Variants in DNAJB8 observed in about 807,000 individuals in gnomAD.
The protein encoded by DNAJB8 is DnaJ heat shock protein family (Hsp40) member B8.
For synonymous variants in DNAJB8, 127 were observed against 127.1 expected (o/e 1.00, Z 0.00); for missense variants, 354 against 318.9 (o/e 1.11, Z -0.84).
In DNAJB8 at chr3:128,462,885, T is replaced by C; in HGVS notation, c.361A>G (p.Ser121Gly). 1 of 1,614,132 alleles carries C rather than the reference T, an allele frequency of 6.2e-7. No homozygotes were observed. Reference sequence around the variant, plus strand: ...CCATGGCCCCGGCCACCACGGTCACTATTGAATGGGCTGTCCCAGAACTCA... The same window carrying C: ...CCATGGCCCCGGCCACCACGGTCACCATTGAATGGGCTGTCCCAGAACTCA... ...SFEFWDSPFN[S>G]DRGGRGHGLR... is the part of the protein sequence containing the mutation. Residue 121 changes from serine to glycine, a missense_variant, in exon 3 of 3, where the codon AGT becomes GGT. Transcript: ENST00000319153.
chr3:128,462,609 C>G lies in DNAJB8; in HGVS notation c.637G>C (p.Gly213Arg). ...TTCACAGTCACCGACTTGAGCTGCC[C>G]GTCTTCCTCCACCTCCACGCGCTCC... Reference protein sequence around the residue: ...GQERVEVEEDGQLKSVTVNGK... With the variant: ...GQERVEVEEDRQLKSVTVNGK... The change falls in exon 3 of 3, where the codon GGG becomes CGG. Residue 213 changes from glycine (G) to arginine (R), a missense_variant. Physicochemically the swap from Gly to Arg is moderately radical, Grantham distance 125 (BLOSUM62 -2). Transcript: ENST00000319153. 1.2e-6 allele frequency: 2 copies of G among 1,613,808 alleles called. No individual in the cohort carries two copies. Among genetic ancestry groups the G allele is most frequent in the Non-Finnish European group, 1.7e-6 (2 of 1,179,830 alleles).
At position 128,462,940 on chromosome 3, in the gene DNAJB8, C is replaced by T. The variant is rs755099183; in HGVS notation, c.306G>A (p.Glu102=). The T allele has an allele frequency of 4.3e-6, 7 of 1,614,016 alleles. No homozygotes were observed. Among genetic ancestry groups the T allele is most frequent in the Non-Finnish European group, 5.1e-6 (6 of 1,179,986 alleles). The part of the protein sequence containing the change: ...TFRNPEDIFR[E]FFGGLDPFSF... ...AGAAAGGGTCCAGGCCACCAAAAAA[C>T]TCCCGGAAGATGTCCTCAGGGTTAC... The change falls in exon 3 of 3, where the codon GAG becomes GAA. Residue 102 remains glutamate, a synonymous_variant. Transcript: ENST00000319153.
Position 128,463,158 on chromosome 3 carries a change from A to G in DNAJB8, c.88T>C (p.Trp30Arg). ...TTGTCAGGGTTCTTGTCGGGGTGCC[A>G]ACGAAGGGCCAGCTTGCGGTAGGCT... Reference protein sequence around the residue: ...KKAYRKLALRWHPDKNPDNKE... With the variant: ...KKAYRKLALRRHPDKNPDNKE... Residue 30 changes from tryptophan to arginine, a missense_variant, in exon 3 of 3, where the codon TGG (tryptophan) becomes CGG (arginine). Transcript: ENST00000319153. The G allele has an allele frequency of 6.2e-7, 1 of 1,614,178 alleles. No individual in the cohort carries two copies. Among genetic ancestry groups the G allele is most frequent in the East Asian group, 2.2e-5 (1 of 44,862 alleles).
Position 128,463,186 on chromosome 3 carries a change from C to G in DNAJB8, c.60G>C (p.Lys20Asn), listed in dbSNP as rs1009144687. 6.2e-7 allele frequency: 1 copy of G among 1,614,168 alleles called. No individual in the cohort carries two copies. The highest frequency in any genetic ancestry group is 2.2e-5 in the East Asian group (1 of 44,868). Residue 20 changes from lysine (K) to asparagine (N), a missense_variant, in exon 3 of 3, where the codon AAG becomes AAC. Lys to Asn is a moderately conservative substitution (Grantham distance 94). Transcript: ENST00000319153. ...GAAGGGCCAGCTTGCGGTAGGCTTT[C>G]TTGATGTCCTCCGGGGAAGCGCTGG... ...VQASASPEDI[K>N]KAYRKLALRW... is the part of the protein sequence containing the mutation.
rs765912735 is a variant in DNAJB8 at position 128,462,707 on chromosome 3, T to C, written c.539A>G (p.Lys180Arg). 2 of 1,602,188 alleles carry C rather than the reference T, an allele frequency of 1.2e-6. No individual in the cohort carries two copies. Among genetic ancestry groups the C allele is most frequent in the South Asian group, 2.2e-5 (2 of 90,570 alleles). The change falls in exon 3 of 3, where the codon AAG (lysine) becomes AGG (arginine). Residue 180 changes from lysine to arginine, a missense_variant. By Grantham distance (26) the Lys-to-Arg change is conservative. Transcript: ENST00000319153. Reference protein sequence around the residue: ...GGSSSGSSGFKSVMSSTEMIN... With the variant: ...GGSSSGSSGFRSVMSSTEMIN... ...CATCTCGGTGGACGACATCACCGAC[T>C]TGAACCCCGAGCTGCCAGAACTGGA...
chr3:128,464,219 A>T (rs1280578664), intron 2 of DNAJB8, 109 bp from the exon 3 acceptor site: 1 of 152,218 alleles, frequency 6.6e-6, no homozygotes. Context: ...GAACCTCTGA[A>T]TGTGAGCTTA....
Position 128,466,798 on chromosome 3 carries a change from T to A in DNAJB8, c.-1211A>T, listed in dbSNP as rs1419807503. 2 of 152,192 alleles carry A rather than the reference T, an allele frequency of 1.3e-5. No individual in the cohort carries two copies. Among genetic ancestry groups the A allele is most frequent in the Non-Finnish European group, 2.9e-5 (2 of 68,022 alleles). 9.4% of individuals were successfully genotyped at this position (152,192 alleles called of 1,614,324 possible). A position where few individuals can be genotyped will look rare whatever the true frequency, so the allele number is the denominator to read the frequency against. On this transcript the variant is annotated 5_prime_UTR_variant, in exon 1 of 3. Coordinates refer to ENST00000319153, the MANE Select transcript of DNAJB8 (RefSeq NM_153330.6). The stretch of plus-strand genomic sequence containing the variant: ...TCGGGGCAATCTTCTGCGAAGACCC[T>A]GCTTCTGAGCCACAGGCTGAGGCAT...
intron 2 of DNAJB8, among the ~76,000 whole-genome samples, chr3:128,464,649 C>G (rs372037201): frequency 7.4e-4 from 113 of 152,264 alleles, no homozygotes; most frequent in African/African-American, 2.5e-3. Context: ...CACCTCACCC[C>G]ACTCCAATTA....
At position 128,462,849 on chromosome 3, in the gene DNAJB8, C is replaced by A. The variant is rs143657415; in HGVS notation, c.397G>T (p.Ala133Ser). The part of the protein sequence containing the change: ...RGGRGHGLRG[A>S]FSAGFGEFPA... ...AATTCTCCAAAGCCTGCCGAGAAGG[C>A]CCCCCTCAGGCCATGGCCCCGGCCA... is the stretch of plus-strand genomic sequence containing the variant. The change falls in exon 3 of 3, where the codon GCC becomes TCC. Residue 133 changes from alanine to serine, a missense_variant. Transcript: ENST00000319153. 1.2e-6 allele frequency: 2 copies of A among 1,614,028 alleles called. No homozygotes were observed. Among genetic ancestry groups the A allele is most frequent in the Non-Finnish European group, 1.7e-6 (2 of 1,180,010 alleles).
Position 128,462,786 on chromosome 3 carries a change from G to C in DNAJB8, c.460C>G (p.Leu154Val), listed in dbSNP as rs757410955. ...GTGTGGCTGCCCCCGCTGCAGCCCA[G>C]CATGTTGAAGGATGAGAAGGCCTCC... ...FMEAFSSFNM[L>V]GCSGGSHTTF... Residue 154 changes from leucine to valine, a missense_variant, in exon 3 of 3, where the codon CTG (leucine) becomes GTG (valine). Leu to Val is a conservative substitution (Grantham distance 32). Transcript: ENST00000319153. 6.2e-7 allele frequency: 1 copy of C among 1,614,110 alleles called. No homozygotes were observed.
At position 128,462,966 on chromosome 3, in the gene DNAJB8, G is replaced by A. The variant is rs367931490; in HGVS notation, c.280C>T (p.Arg94Cys). ...HSPFDTGYTF[R>C]NPEDIFREFF... ...TCCCGGAAGATGTCCTCAGGGTTAC[G>A]GAAGGTGTAGCCGGTGTCGAAGGGG... is the stretch of plus-strand genomic sequence containing the variant. The change falls in exon 3 of 3, where the codon CGT becomes TGT. Residue 94 changes from arginine (R) to cysteine (C), a missense_variant. Transcript: ENST00000319153. The A allele has an allele frequency of 6.1e-5, 99 of 1,614,148 alleles. 1 individual carries two copies. The highest frequency in any genetic ancestry group is 4.2e-4 in the Admixed American group (25 of 60,024).
rs920301407 is a variant in DNAJB8 at position 128,463,381 on chromosome 3, T to C, written c.-136A>G. The C allele has an allele frequency of 5.5e-6, 4 of 724,222 alleles. No homozygotes were observed. The highest frequency in any genetic ancestry group is 9.2e-6 in the Non-Finnish European group (4 of 434,324). The allele number at this position is 724,222 out of a possible 1,614,324, so 44.9% of individuals were successfully genotyped here. On this transcript the variant is annotated 5_prime_UTR_variant, in exon 3 of 3. Coordinates refer to ENST00000319153, the MANE Select transcript of DNAJB8 (RefSeq NM_153330.6). ...AGGGGCCTGGCTGGACTCCGCAAGC[T>C]CTAGGCAAGATTCTGCCCAGGAGTT...
Position 128,463,531 on chromosome 3 carries a change from T to C in DNAJB8, c.-286A>G. On this transcript the variant is annotated 5_prime_UTR_variant, in exon 3 of 3. Coordinates refer to ENST00000319153, the MANE Select transcript of DNAJB8 (RefSeq NM_153330.6). The stretch of plus-strand genomic sequence containing the variant: ...GGGCTGCCCTCCAGAGCTCCTTTTA[T>C]GACGTCAGCTCCCGGGGCGGGGCAT... The C allele has an allele frequency of 3.3e-6, 1 of 304,602 alleles. No homozygotes were observed. Among genetic ancestry groups the C allele is most frequent in the Non-Finnish European group, 6.4e-6 (1 of 155,660 alleles). 18.9% of individuals were successfully genotyped at this position (304,602 alleles called of 1,614,324 possible). A position where few individuals can be genotyped will look rare whatever the true frequency, so the allele number is the denominator to read the frequency against.
rs753376929 is a variant in DNAJB8, at chr3:128,463,150, G to C, written c.96C>G (p.Pro32=). 1.9e-6 allele frequency: 3 copies of C among 1,614,050 alleles called. No individual in the cohort carries two copies. The highest frequency in any genetic ancestry group is 2.5e-6 in the Non-Finnish European group (3 of 1,180,036). Residue 32 remains proline (P), a synonymous_variant, in exon 3 of 3, where the codon CCC becomes CCG. Transcript: ENST00000319153. ...CCTCCTTATTGTCAGGGTTCTTGTC[G>C]GGGTGCCAACGAAGGGCCAGCTTGC... ...AYRKLALRWH[P]DKNPDNKEEA...
intron 2 of DNAJB8, 82 bp from the exon 3 acceptor site, chr3:128,464,192 T>C (rs1268491367): frequency 6.6e-6 from 1 of 152,460 alleles, no homozygotes. Context: ...AAAGATATGT[T>C]CCTATCCTAA....
At position 128,464,116 on chromosome 3, in the gene DNAJB8, A is replaced by G. The variant is rs1259757054; in HGVS notation, c.-865-6T>C. 6.4e-6 allele frequency: 1 copy of G among 157,430 alleles called. No individual in the cohort carries two copies. Among genetic ancestry groups the G allele is most frequent in the Non-Finnish European group, 1.5e-5 (1 of 68,092 alleles). 9.8% of individuals were successfully genotyped at this position (157,430 alleles called of 1,614,324 possible). ...AAGAAGTGTTCCACTCAATTCTGGTAAGAAAAATAGGAATTGATGATAAAT... is the reference window on the plus strand; with the variant it reads ...AAGAAGTGTTCCACTCAATTCTGGTGAGAAAAATAGGAATTGATGATAAAT... On this transcript the variant is annotated splice_polypyrimidine_tract_variant and splice_region_variant and intron_variant, in intron 2 of 2. Coordinates refer to ENST00000319153, the MANE Select transcript of DNAJB8 (RefSeq NM_153330.6).
rs2068481017 is a variant in DNAJB8, at chr3:128,463,054, C to G, written c.192G>C (p.Leu64=). The G allele has an allele frequency of 6.2e-7, 1 of 1,614,140 alleles. No individual in the cohort carries two copies. Among genetic ancestry groups the G allele is most frequent in the Admixed American group, 1.7e-5 (1 of 60,014 alleles). Residue 64 remains leucine, a synonymous_variant, in exon 3 of 3, where the codon CTG becomes CTC. Coordinates refer to ENST00000319153, the MANE Select transcript of DNAJB8 (RefSeq NM_153330.6). The part of the protein sequence containing the change: ...EVLSDSKKRS[L]YDRAGCDSWR... ...AGCTGTCACAGCCAGCACGGTCATA[C>G]AGGGAGCGTTTCTTGGAGTCAGACA...
chr3:128,463,562 C>A lies in DNAJB8; in HGVS notation c.-317G>T, dbSNP rs914177745. On this transcript the variant is annotated 5_prime_UTR_variant, in exon 3 of 3. Coordinates refer to ENST00000319153, the MANE Select transcript of DNAJB8 (RefSeq NM_153330.6). ...CAGCTCCCGGGGCGGGGCATACCCC[C>A]GCCCCCAGCTCCTCACCAGGCAAAC... The A allele has an allele frequency of 4.4e-6, 1 of 226,324 alleles. No homozygotes were observed. The highest frequency in any genetic ancestry group is 9.4e-6 in the Non-Finnish European group (1 of 105,882). 14.0% of individuals were successfully genotyped at this position (226,324 alleles called of 1,614,324 possible).
At position 128,463,563 on chromosome 3, in the gene DNAJB8, G is replaced by A. The variant is rs945582978; in HGVS notation, c.-318C>T. 5.3e-5 allele frequency: 12 copies of A among 225,620 alleles called. No individual in the cohort carries two copies. The highest frequency in any genetic ancestry group is 1.3e-4 in the South Asian group (1 of 7,938). 14.0% of individuals were successfully genotyped at this position (225,620 alleles called of 1,614,324 possible). On this transcript the variant is annotated 5_prime_UTR_variant, in exon 3 of 3. Transcript: ENST00000319153. ...AGCTCCCGGGGCGGGGCATACCCCC[G>A]CCCCCAGCTCCTCACCAGGCAAACC...
Sources: allele counts gnomAD v4.1 joint callset (sites outside exome capture counted in the v4.1 genomes callset), GRCh38; gene constraint gnomAD v4.1.1; transcripts MANE v1.5; gene names NCBI Gene and HGNC (gene_info 2026-07-23, HGNC 2026-07-21).